C14orf180: variants seen among roughly 807,000 people sequenced by gnomAD.
C14orf180 encodes the protein nutritionally-regulated adipose and cardiac enriched protein homolog.
Under a neutral mutation model 13.9 loss-of-function variants are expected in C14orf180, and 13 were observed. The observed-to-expected ratio is 0.94, with a 90% confidence interval of 0.61 to 1.49. C14orf180 has a LOEUF of 1.49. Ranked by LOEUF, C14orf180 falls within the 40% of genes most tolerant of loss-of-function variation. C14orf180 has a pLI of 0.00. For missense variants in C14orf180, 238 were observed against 232.0 expected, an observed-to-expected ratio of 1.03 and a Z score of -0.17; for synonymous variants, 113 against 106.3, an observed-to-expected ratio of 1.06 and a Z score of -0.39.
At position 104,580,096 on chromosome 14, in the gene C14orf180, G is replaced by C. The variant is rs1361115277; in HGVS notation, c.-17+93G>C. ...ATTGCCAAAGGCAGGTGCAGGTGGG[G>C]AACCTGCCCCAGCTGGGCAGCAGGT... On this transcript the variant is annotated intron_variant, in intron 1 of 4. Transcript: ENST00000557649. The C allele has an allele frequency of 2.6e-5, 4 of 152,256 alleles. No individual in the cohort carries two copies. In the East Asian group the frequency reaches 5.8e-4, roughly 22 times the overall value. The allele number at this position is 152,256 out of a possible 1,614,324, so 9.4% of individuals were successfully genotyped here.
At chr14:104,583,584 A>T (rs771871156) in intron 1 of C14orf180, among the ~76,000 whole-genome samples, 47 of 152,060 alleles carry the variant, frequency 3.1e-4, no homozygotes, top group Non-Finnish European at 6.5e-4. Flanking sequence ...GGTGCTCTGG[A>T]GCCCACACCT....
rs1566738271 is a variant in C14orf180, at chr14:104,588,784, CGGGCA to C, written c.*4_*8del. 4.1e-6 allele frequency: 2 copies of C among 486,700 alleles called. No homozygotes were observed. Among genetic ancestry groups the C allele is most frequent in the Non-Finnish European group, 5.0e-6 (2 of 398,610 alleles). The allele number at this position is 486,700 out of a possible 1,614,324, so 30.1% of individuals were successfully genotyped here. ...CTGGCGCGGCCTCCTGCGGCTCTGA[CGGGCA>C]GGACGGGCAGGACGGGCAGGGCTTC... On this transcript the variant is annotated 3_prime_UTR_variant, in exon 5 of 5. Coordinates refer to ENST00000557649, the MANE Select transcript of C14orf180 (RefSeq NM_001008404.3).
chr14:104,589,081 C>A lies in C14orf180; in HGVS notation c.*298C>A. ...AACAGTTGAGGCTCCCCAGGCTCACCCAAAGACCCCTCCCTCGTCCCAGCA... is the reference window on the plus strand; with the variant it reads ...AACAGTTGAGGCTCCCCAGGCTCACACAAAGACCCCTCCCTCGTCCCAGCA... On this transcript the variant is annotated 3_prime_UTR_variant, in exon 5 of 5. Coordinates refer to ENST00000557649, the MANE Select transcript of C14orf180 (RefSeq NM_001008404.3). The surrounding 1 kb of genome is among the most constrained non-coding windows in gnomAD (Gnocchi z 4.9). 1.8e-6 allele frequency: 1 copy of A among 550,492 alleles called. No individual in the cohort carries two copies. Among genetic ancestry groups the A allele is most frequent in the Non-Finnish European group, 3.1e-6 (1 of 326,248 alleles). The allele number at this position is 550,492 out of a possible 1,614,324, so 34.1% of individuals were successfully genotyped here.
At chr14:104,586,967 G>A (rs1566736605) in intron 2 of C14orf180, among the ~76,000 whole-genome samples, 1 of 152,214 alleles carries the variant, frequency 6.6e-6, no homozygotes, top group Non-Finnish European at 1.5e-5. Flanking sequence ...GCATGCCACA[G>A]GCACAGCAGG....
At chr14:104,586,983 G>A (rs1259376327) in intron 2 of C14orf180, among the ~76,000 whole-genome samples, 1 of 152,182 alleles carries the variant, frequency 6.6e-6, no homozygotes, top group Non-Finnish European at 1.5e-5. Flanking sequence ...GCAGGAGCTG[G>A]GCCAGACTCA....
rs1428049704 is a variant in C14orf180, at chr14:104,589,041, G to A, written c.*258G>A. 4.0e-5 allele frequency: 28 copies of A among 704,750 alleles called. No individual in the cohort carries two copies. Among genetic ancestry groups the A allele is most frequent in the Non-Finnish European group, 5.5e-5 (25 of 455,474 alleles). 43.7% of individuals were successfully genotyped at this position (704,750 alleles called of 1,614,324 possible). On this transcript the variant is annotated 3_prime_UTR_variant, in exon 5 of 5. Coordinates refer to ENST00000557649, the MANE Select transcript of C14orf180 (RefSeq NM_001008404.3). This position sits in a 1 kb window ranked among gnomAD's most constrained non-coding sequence, Gnocchi z 4.9. Reference sequence around the variant, plus strand: ...GGTCCATGTGAGATTTTATTAGAAAGAGGATTCGACTGCTAACAGTTGAGG... The same window carrying A: ...GGTCCATGTGAGATTTTATTAGAAAAAGGATTCGACTGCTAACAGTTGAGG...
chr14:104,584,947 T>C lies in C14orf180; in HGVS notation c.-16-1468T>C, dbSNP rs902773881. Among the ~76,000 whole-genome samples the C allele has an allele frequency of 3.9e-5, 6 of 152,154 alleles. No homozygotes were observed. The East Asian group carries it at 7.7e-4, about 20-fold the overall frequency. On this transcript the variant is annotated intron_variant, in intron 1 of 4. Transcript: ENST00000557649. ...GACGGCACACGGCTGCTGGAGTCACTGCAGTATCCACCCAAACCACTCCTC... is the reference window on the plus strand; with the variant it reads ...GACGGCACACGGCTGCTGGAGTCACCGCAGTATCCACCCAAACCACTCCTC...
intron 1 of C14orf180, chr14:104,581,747 G>T (rs904004758): frequency 6.5e-6 from 1 of 152,678 alleles, no homozygotes; most frequent in African/African-American, 2.4e-5. Context: ...GGCTTCCCAG[G>T]AGCCTGGCCC....
Position 104,588,585 on chromosome 14 carries a change from C to A in C14orf180, c.285C>A (p.Gly95=). ...KNATATVRVP[G]RPRPHGGSLL... ...CCTGCCCTCTGGCCGCAGTGCCCGG[C>A]CGGCCCAGGCCACACGGCGGCTCCC... The change falls in exon 5 of 5, where the codon GGC becomes GGA. Residue 95 remains glycine (G), a synonymous_variant. Coordinates refer to ENST00000557649, the MANE Select transcript of C14orf180 (RefSeq NM_001008404.3). 3 of 1,447,474 alleles carry A rather than the reference C, an allele frequency of 2.1e-6. No homozygotes were observed. The highest frequency in any genetic ancestry group is 2.7e-6 in the Non-Finnish European group (3 of 1,104,620). 89.7% of individuals were successfully genotyped at this position (1,447,474 alleles called of 1,614,324 possible).
At chr14:104,583,992 C>G (rs1467767768) in intron 1 of C14orf180, among the ~76,000 whole-genome samples, 1 of 152,040 alleles carries the variant, frequency 6.6e-6, no homozygotes, top group Non-Finnish European at 1.5e-5. Flanking sequence ...CCCACTCTCA[C>G]ACTTGCACAC....
rs568874447 is a variant in C14orf180, at chr14:104,589,765, G to C, written c.*982G>C. ...TAGCCTGAGGCGGGTGGGCACGGCC[G>C]ACCATCCACCCGGTGGTTCCTGTTT... On this transcript the variant is annotated 3_prime_UTR_variant, in exon 5 of 5. Coordinates refer to ENST00000557649, the MANE Select transcript of C14orf180 (RefSeq NM_001008404.3). This position sits in a 1 kb window ranked among gnomAD's most constrained non-coding sequence, Gnocchi z 4.9. 1 of 152,252 alleles carries C rather than the reference G, an allele frequency of 6.6e-6. No homozygotes were observed. Among genetic ancestry groups the C allele is most frequent in the African/African-American group, 2.4e-5 (1 of 41,458 alleles). 9.4% of individuals were successfully genotyped at this position (152,252 alleles called of 1,614,324 possible).
intron 2 of C14orf180, among the ~76,000 whole-genome samples, chr14:104,587,079 G>A (rs558995444): frequency 1.3e-5 from 2 of 152,310 alleles, no homozygotes; most frequent in African/African-American, 4.8e-5. Context: ...CCCCAGCCAG[G>A]AACAACCTCA....
intron 1 of C14orf180, among the ~76,000 whole-genome samples, chr14:104,584,384 C>T (rs1003245914): frequency 2.0e-5 from 3 of 152,176 alleles, no homozygotes; most frequent in African/African-American, 4.8e-5. Flanking sequence ...CACTGGGGGG[C>T]TCTGCTCCAC....
rs750544509 is a variant in C14orf180, at chr14:104,587,790, C to A, written c.153C>A (p.Ser51Arg). ...RKCPPSILKR[S>R]RPEHHRPEAK... is the part of the protein sequence containing the mutation. ...GCCCCCCCTCCATCCTGAAACGGAG[C>A]CGGCCGGAGCACCACCGCCCAGAGG... Residue 51 changes from serine to arginine, a missense_variant, in exon 3 of 5, where the codon AGC (serine) becomes AGA (arginine). Coordinates refer to ENST00000557649, the MANE Select transcript of C14orf180 (RefSeq NM_001008404.3). 6.2e-7 allele frequency: 1 copy of A among 1,612,466 alleles called. No homozygotes were observed. The highest frequency in any genetic ancestry group is 8.5e-7 in the Non-Finnish European group (1 of 1,179,606).
intron 1 of C14orf180, among the ~76,000 whole-genome samples, chr14:104,583,687 A>G (rs1363156133): frequency 3.9e-5 from 6 of 152,126 alleles, no homozygotes; most frequent in East Asian, 1.9e-4. Context: ...GTCCTCCCCA[A>G]GTTATGCTGC....
At position 104,587,856 on chromosome 14, in the gene C14orf180, A is replaced by T; in HGVS notation, c.219A>T (p.Glu73Asp). The change falls in exon 3 of 5, where the codon GAA becomes GAT. Residue 73 changes from glutamate to aspartate, a missense_variant. Glu to Asp is a conservative substitution (Grantham distance 45). Coordinates refer to ENST00000557649, the MANE Select transcript of C14orf180 (RefSeq NM_001008404.3). ...CCTCGAGGCGCGTGTGGTTCCGAGAACCCCCAGCGGTGACCGTCCACTGTA... is the reference window on the plus strand; with the variant it reads ...CCTCGAGGCGCGTGTGGTTCCGAGATCCCCCAGCGGTGACCGTCCACTGTA... ...QRTSRRVWFR[E>D]PPAVTVHYIA... 1 of 1,609,502 alleles carries T rather than the reference A, an allele frequency of 6.2e-7. No homozygotes were observed. The highest frequency in any genetic ancestry group is 8.5e-7 in the Non-Finnish European group (1 of 1,178,454).
chr14:104,583,049 G>A (rs2140457669), intron 1 of C14orf180, among the ~76,000 whole-genome samples: 1 of 152,362 alleles, frequency 6.6e-6, no homozygotes, highest in Non-Finnish European at 1.5e-5. Flanking sequence ...TTCCAGAAGG[G>A]GAAGCGTGAA....
chr14:104,587,017 G>A (rs754076472), intron 2 of C14orf180, among the ~76,000 whole-genome samples: 1 of 152,206 alleles, frequency 6.6e-6, no homozygotes, highest in Non-Finnish European at 1.5e-5. Flanking sequence ...TCACGCCCTC[G>A]CGGGGCAGCC....
At chr14:104,580,593 C>G (rs1886401910) in intron 1 of C14orf180, among the ~76,000 whole-genome samples, 1 of 152,212 alleles carries the variant, frequency 6.6e-6, no homozygotes, top group Non-Finnish European at 1.5e-5. Context: ...CCCAGCCTAG[C>G]AGGAATGGAT....
Sources: gnomAD v4.1 joint callset for allele counts (sites outside exome capture counted in the v4.1 genomes callset) on GRCh38, gnomAD v4.1.1 for gene constraint, Gnocchi (gnomAD v3.1) non-coding constraint, MANE v1.5 for transcripts, NCBI Gene and HGNC (gene_info 2026-07-23, HGNC 2026-07-21) for gene names.